Variants in EVC observed in about 807,000 individuals in gnomAD.
EVC encodes EvC ciliary complex subunit 1, also known as evC complex member EVC.
EVC carries 116 observed loss-of-function variants against 118.9 expected under a neutral mutation model. The ratio of observed to expected loss-of-function variants is 0.98; its 90% confidence interval spans 0.84 to 1.14. The LOEUF is 1.14. Among genes scored for constraint, EVC ranks in the 50% most tolerant of loss-of-function variants. The pLI is 0.00. For synonymous variants in EVC, 619 were observed against 534.7 expected (o/e 1.16, Z -2.18); for missense variants, 1,401 against 1,246.4 (o/e 1.12, Z -1.87).
At position 5,719,992 on chromosome 4, in the gene EVC, T is replaced by G. The variant is rs2151847609; in HGVS notation, c.300+619T>G. Among the ~76,000 whole-genome samples the G allele has an allele frequency of 6.6e-6, 1 of 152,250 alleles. No homozygotes were observed. The highest frequency in any genetic ancestry group is 2.1e-4 in the South Asian group (1 of 4,822). The stretch of plus-strand genomic sequence containing the variant: ...TTCATTTCATTTTACTTCCTTTAAT[T>G]AAATCTCTGGGGGTGGGGGTGCTGG... On this transcript the variant is annotated intron_variant, in intron 2 of 20. Coordinates refer to ENST00000264956, the MANE Select transcript of EVC (RefSeq NM_153717.3). This position sits in a 1 kb window ranked among gnomAD's most constrained non-coding sequence, Gnocchi z 4.7.
the EVC span, among the ~76,000 whole-genome samples, chr4:5,819,729 A>G: frequency 6.6e-6 from 1 of 152,192 alleles, no homozygotes; most frequent in Admixed American, 6.5e-5. Context: ...TCCCTTTAAT[A>G]GTCCAAATGG....
chr4:5,771,763 A>C (rs183152230), intron 11 of EVC, among the ~76,000 whole-genome samples: 2 of 152,312 alleles, frequency 1.3e-5, no homozygotes, highest in African/African-American at 4.8e-5. Context: ...GGCAGTTTCC[A>C]TGGTCCTTTA....
intron 12 of EVC, among the ~76,000 whole-genome samples, chr4:5,784,633 T>C (rs1736150050): frequency 7.7e-6 from 1 of 129,954 alleles, no homozygotes; most frequent in South Asian, 2.5e-4. Flanking sequence ...TTTTTTGGAA[T>C]GGAATCTTGC....
At chr4:5,767,756 G>A (rs1733169683) in intron 11 of EVC, among the ~76,000 whole-genome samples, 1 of 152,244 alleles carries the variant, frequency 6.6e-6, no homozygotes, top group East Asian at 1.9e-4. Context: ...GCCCTGCTTC[G>A]GCTAGCACAT....
Position 5,738,809 on chromosome 4 carries a change from AC to A in EVC, c.703-2905del, listed in dbSNP as rs1222457568. ...TCTCAATCTCTTGACCTTGTGATCC[AC>A]CTGCCTCCGCCTCCCAAAGTGCTGG... On this transcript the variant is annotated intron_variant, in intron 5 of 20. Coordinates refer to ENST00000264956, the MANE Select transcript of EVC (RefSeq NM_153717.3). This position sits in a 1 kb window ranked among gnomAD's most constrained non-coding sequence, Gnocchi z 6.5. Among the ~76,000 whole-genome samples, 2 of 151,936 alleles carry A rather than the reference AC, an allele frequency of 1.3e-5. No individual in the cohort carries two copies. Among genetic ancestry groups the A allele is most frequent in the African/African-American group, 4.8e-5 (2 of 41,378 alleles).
At chr4:5,783,845 A>AC (rs1736025482) in intron 12 of EVC, 81 bp downstream of exon 12, 6 of 1,308,042 alleles carry the variant, frequency 4.6e-6, no homozygotes, top group Non-Finnish European at 6.5e-6. Flanking sequence ...CACGTCCTGA[A>AC]CACCCACTAG....
intron 1 of EVC, among the ~76,000 whole-genome samples, chr4:5,713,288 C>T (rs1723350023): frequency 1.3e-5 from 2 of 152,168 alleles, no homozygotes; most frequent in South Asian, 2.1e-4. Flanking sequence ...TTCTTTTCCT[C>T]CTGTCTCCTC....
In EVC at chr4:5,811,137, CAGCGGCAT is replaced by C; in HGVS notation, c.*101_*108del. 2 of 924,378 alleles carry C rather than the reference CAGCGGCAT, an allele frequency of 2.2e-6. No individual in the cohort carries two copies. Among genetic ancestry groups the C allele is most frequent in the Non-Finnish European group, 3.5e-6 (2 of 576,118 alleles). 57.3% of individuals were successfully genotyped at this position (924,378 alleles called of 1,614,324 possible). On this transcript the variant is annotated 3_prime_UTR_variant, in exon 21 of 21. Transcript: ENST00000264956. The stretch of plus-strand genomic sequence containing the variant: ...TGAGAGGCAGCGAGGACGGAGAGGA[CAGCGGCAT>C]CTCTAGGCTCTTCTGAGAGGGACAG...
intron 11 of EVC, among the ~76,000 whole-genome samples, chr4:5,759,983 A>ACCT (rs1179697745): frequency 6.6e-6 from 1 of 152,084 alleles, no homozygotes; most frequent in Admixed American, 6.5e-5. Context: ...AAAGACAGGA[A>ACCT]GACTCCAAGC....
At chr4:5,821,442 C>G in the EVC span, 1 of 361,748 alleles carries the variant, frequency 2.8e-6, no homozygotes, top group Non-Finnish European at 5.1e-6. The surrounding 1 kb of genome is among the most constrained non-coding windows in gnomAD (Gnocchi z 4.4). Flanking sequence ...CTCAGAGAAT[C>G]ATGGAGCCAG....
Position 5,719,321 on chromosome 4 carries a change from CAAG to C in EVC, c.249_251del (p.Arg86del), listed in dbSNP as rs1175673035. On this transcript the variant is annotated inframe_deletion, in exon 2 of 21. Coordinates refer to ENST00000264956, the MANE Select transcript of EVC (RefSeq NM_153717.3). The surrounding 1 kb of genome is among the most constrained non-coding windows in gnomAD (Gnocchi z 4.7). ...ACCCCCTCGGAAACTGGCTCCCCAT[CAAG>C]GAGGAGGAAGAGAGAAGTGCAGATG... is the stretch of plus-strand genomic sequence containing the variant. 1 of 1,614,108 alleles carries C rather than the reference CAAG, an allele frequency of 6.2e-7. No individual in the cohort carries two copies. Among genetic ancestry groups the C allele is most frequent in the Non-Finnish European group, 8.5e-7 (1 of 1,180,024 alleles).
chr4:5,799,230 A>G (rs761343941), intron 15 of EVC, among the ~76,000 whole-genome samples: 1 of 152,208 alleles, frequency 6.6e-6, no homozygotes, highest in Non-Finnish European at 1.5e-5. Context: ...ACGGCTGAGC[A>G]ATGCCGCTAA....
At chr4:5,818,814 T>C (rs1226890510), downstream of EVC, among the ~76,000 whole-genome samples, 2 of 152,230 alleles carry the variant, frequency 1.3e-5, no homozygotes, top group African/African-American at 4.8e-5. Context: ...CTTTTCTTTA[T>C]AAATTACCCC....
the EVC span, among the ~76,000 whole-genome samples, chr4:5,822,376 G>A: frequency 1.3e-5 from 2 of 152,100 alleles, no homozygotes; most frequent in African/African-American, 2.4e-5. Flanking sequence ...ACACTCCAAA[G>A]GTATTTTACA....
downstream of EVC, among the ~76,000 whole-genome samples, chr4:5,814,472 C>T (rs1422983714): frequency 6.6e-6 from 1 of 152,138 alleles, no homozygotes; most frequent in Non-Finnish European, 1.5e-5. Context: ...CTTGCTGTTG[C>T]CACAGAAGCC....
rs1439037930 is a variant in EVC, at chr4:5,743,056, T to C, written c.801+1242T>C. Among the ~76,000 whole-genome samples the C allele has an allele frequency of 6.6e-6, 1 of 152,200 alleles. No individual in the cohort carries two copies. The highest frequency in any genetic ancestry group is 1.5e-5 in the Non-Finnish European group (1 of 68,038). Reference sequence around the variant, plus strand: ...TTGAGGGACAGGTTATTTAGAACTTTCTAAAAAGGGGACAGTAACTTCTGG... The same window carrying C: ...TTGAGGGACAGGTTATTTAGAACTTCCTAAAAAGGGGACAGTAACTTCTGG... On this transcript the variant is annotated intron_variant, in intron 6 of 20. Coordinates refer to ENST00000264956, the MANE Select transcript of EVC (RefSeq NM_153717.3). This position sits in a 1 kb window ranked among gnomAD's most constrained non-coding sequence, Gnocchi z 4.7.
chr4:5,822,288 AGGT>A, the EVC span, among the ~76,000 whole-genome samples: 1 of 152,328 alleles, frequency 6.6e-6, no homozygotes, highest in South Asian at 2.1e-4. Context: ...TGCGGGACAC[AGGT>A]GTTGGGTGGG....
At chr4:5,781,065 C>G (rs1735534200) in intron 11 of EVC, among the ~76,000 whole-genome samples, 1 of 152,134 alleles carries the variant, frequency 6.6e-6, no homozygotes, top group South Asian at 2.1e-4. Flanking sequence ...CTGTCACGTA[C>G]CAAGAGTCCA....
At chr4:5,827,133 C>T in the EVC span, among the ~76,000 whole-genome samples, 2 of 152,204 alleles carry the variant, frequency 1.3e-5, no homozygotes, top group African/African-American at 4.8e-5. Context: ...GATCCTATTG[C>T]TCCTGCAAAT....
Sources: allele counts gnomAD v4.1 joint callset (sites outside exome capture counted in the v4.1 genomes callset), GRCh38; gene constraint gnomAD v4.1.1; non-coding constraint Gnocchi (gnomAD v3.1); transcripts MANE v1.5; gene names NCBI Gene and HGNC (gene_info 2026-07-23, HGNC 2026-07-21).